STAT3: variants seen among roughly 807,000 people sequenced by gnomAD.
STAT3 encodes the protein signal transducer and activator of transcription 3.
In STAT3, 7 loss-of-function variants were observed where a neutral mutation model predicts 114.3. The ratio of observed to expected loss-of-function variants is 0.06; its 90% confidence interval spans 0.03 to 0.11. The LOEUF (loss-of-function observed/expected upper bound fraction) is 0.11. STAT3 is among the 10% of genes least tolerant of loss of function. The pLI, the probability that STAT3 is intolerant of heterozygous loss-of-function variation, is 1.00. For missense variants in STAT3, 364 were observed against 960.9 expected (o/e 0.38, Z 8.21); for synonymous variants, 331 against 354.5 (o/e 0.93, Z 0.74).
At chr17:42,364,169 T>C (rs1049752502) in intron 1 of STAT3, among the ~76,000 whole-genome samples, 1 of 152,176 alleles carries the variant, frequency 6.6e-6, no homozygotes, top group Admixed American at 6.5e-5. Flanking sequence ...GAACAGATGA[T>C]GGCCACGATA....
chr17:42,383,577 C>T (rs1372625648), intron 1 of STAT3, among the ~76,000 whole-genome samples: 1 of 152,220 alleles, frequency 6.6e-6, no homozygotes, highest in Non-Finnish European at 1.5e-5. Flanking sequence ...GCCATACTGA[C>T]TAAAGCGCAC....
rs1220665735 is a variant in STAT3, at chr17:42,333,075, G to A, written c.1049+598C>T. 2.0e-5 allele frequency among the ~76,000 whole-genome samples: 3 copies of A among 152,196 alleles called. No individual in the cohort carries two copies. The highest frequency in any genetic ancestry group is 4.4e-5 in the Non-Finnish European group (3 of 68,032). On this transcript the variant is annotated intron_variant, in intron 10 of 23. Coordinates refer to ENST00000264657, the MANE Select transcript of STAT3 (RefSeq NM_139276.3). The surrounding 1 kb of genome is among the most constrained non-coding windows in gnomAD (Gnocchi z 5.2). The stretch of plus-strand genomic sequence containing the variant: ...AACATCTAAGAACTAACAACTTAAA[G>A]TTGTGAGAGATTCACAAAAGGATAA...
At position 42,324,482 on chromosome 17, in the gene STAT3, G is replaced by T. The variant is rs887331311; in HGVS notation, c.1600+229C>A. Among the ~76,000 whole-genome samples the T allele has an allele frequency of 1.3e-5, 2 of 152,040 alleles. No homozygotes were observed. Among genetic ancestry groups the T allele is most frequent in the African/African-American group, 2.4e-5 (1 of 41,368 alleles). On this transcript the variant is annotated intron_variant, in intron 17 of 23. Transcript: ENST00000264657. The surrounding 1 kb of genome is among the most constrained non-coding windows in gnomAD (Gnocchi z 4.5). ...TGGGTGAATGAGACAGCAACCAGGA[G>T]AAAAGAAATCTACCTCCCACCTCAA...
chr17:42,345,805 GCT>G (rs1400511723), intron 3 of STAT3, 148 bp from the exon 4 acceptor site: 3 of 798,054 alleles, frequency 3.8e-6, no homozygotes, highest in Admixed American at 4.1e-5. Flanking sequence ...CTGGGTGAAG[GCT>G]CTCTGTCGGC....
chr17:42,317,084 C>T, intron 22 of STAT3, 98 bp downstream of exon 22: 1 of 1,593,696 alleles, frequency 6.3e-7, no homozygotes, highest in East Asian at 2.2e-5. Flanking sequence ...CCAGGGGCTT[C>T]CAACCTTTGG....
chr17:42,331,522 G>T lies in STAT3; in HGVS notation c.1059C>A (p.Val353=). The T allele has an allele frequency of 3.1e-6, 5 of 1,613,726 alleles. No homozygotes were observed. In the South Asian group the frequency reaches 5.5e-5, roughly 18 times the overall value. Residue 353 remains valine (V), a synonymous_variant, in exon 11 of 24, where the codon GTC becomes GTA. Transcript: ENST00000264657. ...VQFTTKVRLL[V]KFPELNYQLK... ...GCTGATAATTCAACTCAGGGAATTT[G>T]ACCAGCAACCTATTTAAAAAGAAAA...
chr17:42,336,408 G>T (rs2082230382), intron 8 of STAT3, among the ~76,000 whole-genome samples: 1 of 152,062 alleles, frequency 6.6e-6, no homozygotes, highest in African/African-American at 2.4e-5. Context: ...GACCAGCCCA[G>T]GCAACAAAGT....
intron 1 of STAT3, among the ~76,000 whole-genome samples, chr17:42,370,785 T>C (rs1289590504): frequency 6.6e-6 from 1 of 151,370 alleles, no homozygotes; most frequent in Admixed American, 6.6e-5. Flanking sequence ...TTTTTTTTTT[T>C]TAGTAGAGGT....
intron 4 of STAT3, among the ~76,000 whole-genome samples, chr17:42,343,521 C>G (rs2082550362): frequency 7.7e-6 from 1 of 130,218 alleles, no homozygotes; most frequent in African/African-American, 2.9e-5. Context: ...GTGGCGCAAT[C>G]TTGGTTCACT....
intron 1 of STAT3, among the ~76,000 whole-genome samples, chr17:42,370,904 G>C (rs1006652581): frequency 6.6e-6 from 1 of 151,964 alleles, no homozygotes. Flanking sequence ...CCACCACACC[G>C]GGCCTCCCTG....
intron 1 of STAT3, among the ~76,000 whole-genome samples, chr17:42,384,060 C>G (rs2084944573): frequency 1.3e-5 from 2 of 152,298 alleles, no homozygotes; most frequent in South Asian, 4.1e-4. Flanking sequence ...CTGTGCCTAA[C>G]ACATAGTAAG....
intron 1 of STAT3, among the ~76,000 whole-genome samples, chr17:42,385,275 G>C (rs1170876984): frequency 6.6e-6 from 1 of 152,128 alleles, no homozygotes; most frequent in East Asian, 1.9e-4. Flanking sequence ...TTGGGAGGCT[G>C]AGGTGGGCAG....
Position 42,315,806 on chromosome 17 carries a change from G to A in STAT3, c.2258-6C>T, listed in dbSNP as rs2081224007. 1.2e-6 allele frequency: 2 copies of A among 1,614,066 alleles called. No homozygotes were observed. The highest frequency in any genetic ancestry group is 1.7e-4 in the Middle Eastern group (1 of 6,022). On this transcript the variant is annotated splice_polypyrimidine_tract_variant and splice_region_variant and intron_variant, in intron 23 of 23. Coordinates refer to ENST00000264657, the MANE Select transcript of STAT3 (RefSeq NM_139276.3). The stretch of plus-strand genomic sequence containing the variant: ...CATGTCAAAGGTGAGGGACTCTGGA[G>A]GGACAGACAGGGAAAACTAGTTCAG...
At chr17:42,385,548 C>G (rs1019783417) in intron 1 of STAT3, among the ~76,000 whole-genome samples, 7 of 150,788 alleles carry the variant, frequency 4.6e-5, no homozygotes, top group Non-Finnish European at 7.4e-5. Context: ...TTGATTTGCA[C>G]ATCACCTAAG....
chr17:42,388,398 G>A lies in STAT3; in HGVS notation c.-143C>T, dbSNP rs983800518. 3.7e-5 allele frequency: 46 copies of A among 1,231,570 alleles called. No homozygotes were observed. Among genetic ancestry groups the A allele is most frequent in the African/African-American group, 6.2e-5 (4 of 64,420 alleles). 76.3% of individuals were successfully genotyped at this position (1,231,570 alleles called of 1,614,324 possible). ...GGGGGAGAGACAGCGCCAAGCCGGG[G>A]TGCCTGTCCAGGATCCGGTTGGGGC... On this transcript the variant is annotated 5_prime_UTR_variant, in exon 1 of 24. Coordinates refer to ENST00000264657, the MANE Select transcript of STAT3 (RefSeq NM_139276.3).
chr17:42,357,320 C>T (rs1423652797), intron 1 of STAT3, among the ~76,000 whole-genome samples: 1 of 152,044 alleles, frequency 6.6e-6, no homozygotes, highest in African/African-American at 2.4e-5. Context: ...TAGAGAAAAA[C>T]ATTCAATCTT....
intron 21 of STAT3, among the ~76,000 whole-genome samples, chr17:42,321,670 A>C (rs1162544509): frequency 6.6e-6 from 1 of 152,166 alleles, no homozygotes; most frequent in Non-Finnish European, 1.5e-5. Context: ...GTTCAGTTAC[A>C]GGCAAAAAGC....
intron 1 of STAT3, among the ~76,000 whole-genome samples, chr17:42,377,720 G>A (rs2084545654): frequency 6.6e-6 from 1 of 152,136 alleles, no homozygotes; most frequent in Admixed American, 6.6e-5. Flanking sequence ...GTCTAGAACT[G>A]AATGACAAAA....
chr17:42,364,377 A>G (rs2083670045), intron 1 of STAT3, among the ~76,000 whole-genome samples: 1 of 152,234 alleles, frequency 6.6e-6, no homozygotes. Flanking sequence ...AGGTTGAGCA[A>G]GCACATTGTC....
Sources: gnomAD v4.1 joint callset for allele counts (sites outside exome capture counted in the v4.1 genomes callset) on GRCh38, gnomAD v4.1.1 for gene constraint, Gnocchi (gnomAD v3.1) non-coding constraint, MANE v1.5 for transcripts, NCBI Gene and HGNC (gene_info 2026-07-23, HGNC 2026-07-21) for gene names.